The following SPMIP7 variants were observed in gnomAD, a reference collection of about 807,000 sequenced individuals.
SPMIP7 encodes protein SPMIP7.
the SPMIP7 span, among the ~76,000 whole-genome samples, chr7:50,125,609 T>TGC: frequency 1.3e-5 from 2 of 150,962 alleles, no homozygotes; most frequent in Admixed American, 6.6e-5. Flanking sequence ...TGTGTGTGTG[T>TGC]GTGTGTGTGT....
At chr7:50,154,854 A>T in the SPMIP7 span, among the ~76,000 whole-genome samples, 1 of 152,176 alleles carries the variant, frequency 6.6e-6, no homozygotes, top group Non-Finnish European at 1.5e-5. Flanking sequence ...ATGCTCATCA[A>T]CACTTATTAT....
At chr7:50,108,498 A>G in the SPMIP7 span, among the ~76,000 whole-genome samples, 1 of 152,222 alleles carries the variant, frequency 6.6e-6, no homozygotes, top group African/African-American at 2.4e-5. Context: ...GCACACCAAG[A>G]TAATAGTCAA....
the SPMIP7 span, among the ~76,000 whole-genome samples, chr7:50,122,085 C>T: frequency 6.6e-6 from 1 of 152,092 alleles, no homozygotes; most frequent in Non-Finnish European, 1.5e-5. Flanking sequence ...TTATTGCCAA[C>T]AAGTGTACAT....
chr7:50,141,672 C>G, the SPMIP7 span: 1 of 223,238 alleles, frequency 4.5e-6, no homozygotes, highest in Non-Finnish European at 9.0e-6. Flanking sequence ...GTGGGGGGAT[C>G]AATAATGTTT....
the SPMIP7 span, among the ~76,000 whole-genome samples, chr7:50,152,836 A>G: frequency 3.3e-5 from 5 of 152,018 alleles, no homozygotes; most frequent in Admixed American, 6.5e-5. Context: ...ACAGCCGTGC[A>G]CTATCACGCC....
chr7:50,114,010 A>G, the SPMIP7 span, among the ~76,000 whole-genome samples: 1 of 152,164 alleles, frequency 6.6e-6, no homozygotes, highest in Non-Finnish European at 1.5e-5. Flanking sequence ...ATAAATGCAC[A>G]TATTTTAAGT....
the SPMIP7 span, chr7:50,136,314 T>A: frequency 1.1e-5 from 7 of 614,328 alleles, no homozygotes; most frequent in South Asian, 8.0e-5. Context: ...CTGACTCACA[T>A]CCTTAGGGCT....
the SPMIP7 span, among the ~76,000 whole-genome samples, chr7:50,139,349 CAAA>C: frequency 3.1e-5 from 3 of 96,506 alleles, no homozygotes. Flanking sequence ...GGCACCATCT[CAAA>C]AAAAAAAAAA....
At chr7:50,102,628 C>T in the SPMIP7 span, among the ~76,000 whole-genome samples, 76 of 152,120 alleles carry the variant, frequency 5.0e-4, no homozygotes, top group Non-Finnish European at 9.8e-4. Flanking sequence ...GTTCTCTATT[C>T]CTCCTTTGAA....
At chr7:50,152,464 G>A in the SPMIP7 span, among the ~76,000 whole-genome samples, 26 of 152,252 alleles carry the variant, frequency 1.7e-4, no homozygotes, top group Middle Eastern at 3.4e-3. Flanking sequence ...AAATTTGAAA[G>A]CACCTGATGG....
At chr7:50,117,477 T>C in the SPMIP7 span, 1 of 249,390 alleles carries the variant, frequency 4.0e-6, no homozygotes, top group Non-Finnish European at 8.2e-6. Context: ...GCAAATAGAT[T>C]AACACCTTCT....
At chr7:50,135,465 A>G in the SPMIP7 span, among the ~76,000 whole-genome samples, 3 of 152,208 alleles carry the variant, frequency 2.0e-5, no homozygotes, top group Non-Finnish European at 2.9e-5. Flanking sequence ...TTCAGCTTTT[A>G]CAGAGAAAAA....
At chr7:50,105,043 T>C in the SPMIP7 span, among the ~76,000 whole-genome samples, 10 of 152,312 alleles carry the variant, frequency 6.6e-5, 1 homozygote, top group Middle Eastern at 6.8e-3. Flanking sequence ...AGATAATAAA[T>C]ATAAAACCAA....
chr7:50,136,997 C>T, the SPMIP7 span, among the ~76,000 whole-genome samples: 1 of 152,084 alleles, frequency 6.6e-6, no homozygotes, highest in South Asian at 2.1e-4. Context: ...GCATATCTAT[C>T]TTCCTCGTGG....
the SPMIP7 span, among the ~76,000 whole-genome samples, chr7:50,123,841 C>T: frequency 6.6e-6 from 1 of 151,874 alleles, no homozygotes; most frequent in Non-Finnish European, 1.5e-5. Context: ...GTAGGGTTTT[C>T]CAGAAGCCAG....
the SPMIP7 span, among the ~76,000 whole-genome samples, chr7:50,130,911 G>T: frequency 6.6e-6 from 1 of 152,126 alleles, no homozygotes; most frequent in Admixed American, 6.6e-5. Context: ...GGTAAGAGGA[G>T]GGAGTAGCAA....
the SPMIP7 span, among the ~76,000 whole-genome samples, chr7:50,132,007 T>G: frequency 5.9e-5 from 9 of 152,136 alleles, no homozygotes; most frequent in Non-Finnish European, 1.3e-4. Context: ...TTCATTCAAA[T>G]TAAAAGTATA....
chr7:50,096,535 A>T, the SPMIP7 span: 26 of 1,551,904 alleles, frequency 1.7e-5, no homozygotes, highest in African/African-American at 3.4e-4. Flanking sequence ...CAGGATTTCA[A>T]ACAACAATAA....
At chr7:50,113,349 C>CAT in the SPMIP7 span, among the ~76,000 whole-genome samples, 118,218 of 151,868 alleles carry the variant, frequency 0.78, 46,112 homozygotes, top group East Asian at 0.88. Flanking sequence ...AAATATCACC[C>CAT]AGGGGAAAAA....
Sources: allele counts gnomAD v4.1 joint callset (sites outside exome capture counted in the v4.1 genomes callset), GRCh38; gene constraint gnomAD v4.1.1; transcripts MANE v1.5; gene names NCBI Gene and HGNC (gene_info 2026-07-23, HGNC 2026-07-21).